Variants in KTN1 observed in about 807,000 individuals in gnomAD.
KTN1 encodes the protein kinectin.
A neutral mutation model predicts 222.5 loss-of-function variants in KTN1; 130 were observed. The observed-to-expected ratio is 0.58, with a 90% confidence interval of 0.51 to 0.68. The LOEUF is 0.68. KTN1 is among the 30% of genes least tolerant of loss of function. The probability of loss-of-function intolerance (pLI) is 0.00; values close to 1 mark genes in which losing one functional copy is unlikely to be tolerated. For synonymous variants in KTN1, 512 were observed against 496.3 expected (o/e 1.03, Z -0.42); for missense variants, 1,508 against 1,500.4 (o/e 1.01, Z -0.08).
At chr14:55,650,711 G>C (rs1177082044) in intron 24 of KTN1, 74 bp downstream of exon 24, 2 of 1,171,770 alleles carry the variant, frequency 1.7e-6, no homozygotes, top group African/African-American at 3.1e-5. Flanking sequence ...TTTTTTTCTT[G>C]TTACTCAGAA....
chr14:55,670,473 T>C (rs1353976059), intron 34 of KTN1, among the ~76,000 whole-genome samples: 1 of 152,006 alleles, frequency 6.6e-6, no homozygotes, highest in Admixed American at 6.6e-5. Context: ...CAGTTGAAAA[T>C]ACTCTTGGTT....
Position 55,612,541 on chromosome 14 carries a change from C to T in KTN1, c.493C>T (p.Pro165Ser). Residue 165 changes from proline (P) to serine (S), a missense_variant, in exon 2 of 44, where the codon CCA becomes TCA. Pro to Ser is a moderately conservative substitution (Grantham distance 74). Coordinates refer to ENST00000395314, the MANE Select transcript of KTN1 (RefSeq NM_001079521.2). Reference protein sequence around the residue: ...PSEAAASKKKPGQKKSKNGSD... With the variant: ...PSEAAASKKKSGQKKSKNGSD... Reference sequence around the variant, plus strand: ...TGAAGCAGCTGCCTCGAAGAAGAAACCAGGGCAGAAGAAGTCTAAAAATGG... The same window carrying T: ...TGAAGCAGCTGCCTCGAAGAAGAAATCAGGGCAGAAGAAGTCTAAAAATGG... The T allele has an allele frequency of 1.9e-6, 3 of 1,597,322 alleles. No individual in the cohort carries two copies. Among genetic ancestry groups the T allele is most frequent in the Non-Finnish European group, 2.6e-6 (3 of 1,175,698 alleles).
chr14:55,616,142 G>C (rs1319416625), intron 2 of KTN1, among the ~76,000 whole-genome samples: 1 of 152,008 alleles, frequency 6.6e-6, no homozygotes, highest in Non-Finnish European at 1.5e-5. Context: ...CTTTGCCCAG[G>C]TTGGTCTGGA....
intron 24 of KTN1, chr14:55,651,170 T>G (rs2042902742): frequency 4.9e-6 from 2 of 407,398 alleles, no homozygotes; most frequent in South Asian, 3.6e-5. Flanking sequence ...ATATTTATTG[T>G]CAAAGCAGTA....
chr14:55,682,177 G>A (rs1162864025), intron 43 of KTN1: 1 of 152,150 alleles, frequency 6.6e-6, no homozygotes, highest in East Asian at 1.9e-4. Flanking sequence ...AGTACTTAGC[G>A]TTTCTTAGAG....
intron 1 of KTN1, among the ~76,000 whole-genome samples, chr14:55,589,145 G>T (rs901937397): frequency 1.3e-5 from 2 of 152,126 alleles, no homozygotes; most frequent in Non-Finnish European, 2.9e-5. Context: ...TAAGTTAGTT[G>T]TAAAGTGATG....
Position 55,648,106 on chromosome 14 carries a change from G to T in KTN1, c.2289G>T (p.Glu763Asp). ...TGLIQVATKE[E>D]ELNAIRTENS... ...TTATTCAGGTGGCAACTAAAGAAGAGGAGCTGAATGTAAAGCATTTTGTAG... is the reference window on the plus strand; with the variant it reads ...TTATTCAGGTGGCAACTAAAGAAGATGAGCTGAATGTAAAGCATTTTGTAG... Residue 763 changes from glutamate to aspartate, a missense_variant, in exon 20 of 44, where the codon GAG becomes GAT. Transcript: ENST00000395314. 1 of 1,530,496 alleles carries T rather than the reference G, an allele frequency of 6.5e-7. No individual in the cohort carries two copies. Among genetic ancestry groups the T allele is most frequent in the Non-Finnish European group, 8.9e-7 (1 of 1,122,910 alleles). 94.8% of individuals were successfully genotyped at this position (1,530,496 alleles called of 1,614,324 possible). A position where few individuals can be genotyped will look rare whatever the true frequency, so the allele number is the denominator to read the frequency against.
intron 28 of KTN1, among the ~76,000 whole-genome samples, chr14:55,655,253 A>G (rs2043349670): frequency 6.6e-6 from 1 of 152,214 alleles, no homozygotes; most frequent in African/African-American, 2.4e-5. Flanking sequence ...TGCTGGGATT[A>G]CAGGCATGAG....
At chr14:55,678,094 A>G (rs190427831) in intron 41 of KTN1, among the ~76,000 whole-genome samples, 4 of 152,354 alleles carry the variant, frequency 2.6e-5, no homozygotes, top group Admixed American at 2.0e-4. Flanking sequence ...CTAGACTAAT[A>G]CTAACCTAAA....
At chr14:55,613,618 C>T (rs566179399) in intron 2 of KTN1, among the ~76,000 whole-genome samples, 30 of 136,620 alleles carry the variant, frequency 2.2e-4, no homozygotes, top group Non-Finnish European at 4.2e-4. Context: ...CTCAGCCTCC[C>T]GAGTAGCTGG....
At chr14:55,615,993 C>A (rs2038334565) in intron 2 of KTN1, among the ~76,000 whole-genome samples, 1 of 151,784 alleles carries the variant, frequency 6.6e-6, no homozygotes, top group African/African-American at 2.4e-5. Flanking sequence ...GCTCACTGCA[C>A]CTTCGACCTC....
intron 22 of KTN1, 35 bp downstream of exon 22, chr14:55,649,848 T>G (rs1355145972): frequency 7.9e-7 from 1 of 1,272,806 alleles, no homozygotes; most frequent in Non-Finnish European, 1.1e-6. Flanking sequence ...TGGTTTTTCT[T>G]CTTTGGTCCA....
At chr14:55,595,556 G>A (rs1471666942) in intron 1 of KTN1, among the ~76,000 whole-genome samples, 1 of 152,174 alleles carries the variant, frequency 6.6e-6, no homozygotes, top group African/African-American at 2.4e-5. Context: ...TTGTAAACTG[G>A]CAAGATTATC....
At chr14:55,639,656 G>A (rs1442118992) in intron 13 of KTN1, among the ~76,000 whole-genome samples, 1 of 151,754 alleles carries the variant, frequency 6.6e-6, no homozygotes, top group East Asian at 1.9e-4. Context: ...CTTGAGTTCG[G>A]AAGATCTGAA....
chr14:55,631,605 G>A (rs2040545802), intron 7 of KTN1, among the ~76,000 whole-genome samples: 1 of 151,638 alleles, frequency 6.6e-6, no homozygotes, highest in Admixed American at 6.6e-5. Context: ...CAACATAGTG[G>A]GACCCCATTC....
At chr14:55,660,735 G>A (rs1595182154) in intron 31 of KTN1, among the ~76,000 whole-genome samples, 2 of 152,120 alleles carry the variant, frequency 1.3e-5, no homozygotes, top group South Asian at 4.1e-4. Context: ...AGGCCTGTGG[G>A]ACCCATAGGT....
intron 1 of KTN1, among the ~76,000 whole-genome samples, chr14:55,599,536 C>T (rs1409926854): frequency 6.6e-6 from 1 of 151,842 alleles, no homozygotes; most frequent in Non-Finnish European, 1.5e-5. Context: ...GCAATCTTGG[C>T]TCACTGCCAA....
At chr14:55,596,588 T>G (rs2035077808) in intron 1 of KTN1, among the ~76,000 whole-genome samples, 1 of 152,234 alleles carries the variant, frequency 6.6e-6, no homozygotes, top group African/African-American at 2.4e-5. Flanking sequence ...GAAGGCAGTC[T>G]TTGCAATCAC....
At chr14:55,679,497 CTGT>C in intron 42 of KTN1, 65 bp from the exon 43 acceptor site, 3 of 1,306,206 alleles carry the variant, frequency 2.3e-6, no homozygotes, top group Non-Finnish European at 3.2e-6. Context: ...ATAACATTTT[CTGT>C]TGTTTGGTTT....
Sources: gnomAD v4.1 joint callset for allele counts (sites outside exome capture counted in the v4.1 genomes callset) on GRCh38, gnomAD v4.1.1 for gene constraint, MANE v1.5 for transcripts, NCBI Gene and HGNC (gene_info 2026-07-23, HGNC 2026-07-21) for gene names.